Variants in FRMD4A observed in about 807,000 individuals in gnomAD.
FRMD4A encodes FERM domain containing 4A.
Under a neutral mutation model 129.1 loss-of-function variants are expected in FRMD4A, and 29 were observed. The ratio of observed to expected loss-of-function variants is 0.22; its 90% CI spans 0.17 to 0.31. The LOEUF is 0.31. Ranked by LOEUF, FRMD4A falls within the 10% of genes least tolerant of loss-of-function variation. The probability of loss-of-function intolerance (pLI) is 1.00; values close to 1 mark genes in which losing one functional copy is unlikely to be tolerated. For synonymous variants in FRMD4A, 634 were observed against 571.6 expected (o/e 1.11, Z -1.56); for missense variants, 1,272 against 1,375.8 (o/e 0.92, Z 1.19).
chr10:13,993,414 A>C (rs1362743919), intron 2 of FRMD4A, among the ~76,000 whole-genome samples: 1 of 152,238 alleles, frequency 6.6e-6, no homozygotes, highest in African/African-American at 2.4e-5. Flanking sequence ...GAAAGGTTTT[A>C]GTCCAGCTGT....
At chr10:13,861,617 G>A (rs1489238241) in intron 2 of FRMD4A, among the ~76,000 whole-genome samples, 4 of 152,256 alleles carry the variant, frequency 2.6e-5, no homozygotes, top group East Asian at 3.9e-4. Flanking sequence ...TTGCCATTCC[G>A]CACATACAAG....
chr10:13,948,301 C>T (rs1460349985), intron 2 of FRMD4A, among the ~76,000 whole-genome samples: 1 of 152,128 alleles, frequency 6.6e-6, no homozygotes, highest in Non-Finnish European at 1.5e-5. Context: ...ATCCTCCCTC[C>T]TTAGCCTCCC....
rs750343072 is a variant in FRMD4A at position 13,656,789 on chromosome 10, G to A, written c.2800C>T (p.Arg934Cys). The A allele has an allele frequency of 4.4e-6, 7 of 1,593,836 alleles. No homozygotes were observed. In the Admixed American group the frequency reaches 6.9e-5, roughly 16 times the overall value. ...VSDELRQWYQ[R>C]STASHKEHSR... ...TGCTCCTTGTGCGAGGCGGTGGAACGCTGGTACCACTGGCGCAGCTCGTCT... is the reference window on the plus strand; with the variant it reads ...TGCTCCTTGTGCGAGGCGGTGGAACACTGGTACCACTGGCGCAGCTCGTCT... Residue 934 changes from arginine to cysteine, a missense_variant, in exon 22 of 25, where the codon CGT becomes TGT. Transcript: ENST00000357447.
At chr10:13,898,614 C>T (rs2094784967) in intron 2 of FRMD4A, among the ~76,000 whole-genome samples, 1 of 152,216 alleles carries the variant, frequency 6.6e-6, no homozygotes, top group Non-Finnish European at 1.5e-5. Context: ...ATTTGAGTCA[C>T]AGCTTCTCTG....
At chr10:13,983,303 C>G (rs1057091150) in intron 2 of FRMD4A, among the ~76,000 whole-genome samples, 10 of 152,150 alleles carry the variant, frequency 6.6e-5, no homozygotes, top group African/African-American at 1.9e-4. Flanking sequence ...AGTTCATCCT[C>G]CCCTGAGCCG....
At chr10:13,784,439 C>A (rs2092806417) in intron 5 of FRMD4A, among the ~76,000 whole-genome samples, 1 of 152,198 alleles carries the variant, frequency 6.6e-6, no homozygotes, top group Non-Finnish European at 1.5e-5. Context: ...ATAAGGTGAA[C>A]AAACTGATGC....
chr10:13,873,172 G>C (rs954888912), intron 2 of FRMD4A, among the ~76,000 whole-genome samples: 3 of 52,272 alleles, frequency 5.7e-5, no homozygotes, highest in Non-Finnish European at 7.9e-5. Flanking sequence ...GAGAGACACT[G>C]TCTCAAAAAA....
chr10:13,793,949 T>C (rs55842608), intron 5 of FRMD4A, among the ~76,000 whole-genome samples: 139 of 152,132 alleles, frequency 9.1e-4, no homozygotes, highest in Admixed American at 1.9e-3. Context: ...AGCTAAGAAG[T>C]GGGAACTCAG....
chr10:14,120,142 G>A (rs1036171660), intron 2 of FRMD4A, among the ~76,000 whole-genome samples: 2 of 151,954 alleles, frequency 1.3e-5, no homozygotes, highest in East Asian at 3.9e-4. Context: ...CAAATCATCA[G>A]GAATTATATT....
At chr10:13,881,351 A>G (rs187401022) in intron 2 of FRMD4A, among the ~76,000 whole-genome samples, 121 of 151,940 alleles carry the variant, frequency 8.0e-4, no homozygotes, top group African/African-American at 2.8e-3. Flanking sequence ...TGAGCCCAGG[A>G]GTTCAAGGCT....
Position 13,734,178 on chromosome 10 carries a change from A to G in FRMD4A, c.759+3666T>C, listed in dbSNP as rs146896642. ...GGCCTCCCTCTTCCGCCTACAGGTG[A>G]TGAGTAACACACACCTTCTCAACAT... On this transcript the variant is annotated intron_variant, in intron 12 of 24. Transcript: ENST00000357447. Among the ~76,000 whole-genome samples, 638 of 152,144 alleles carry G rather than the reference A, an allele frequency of 4.2e-3. 9 individuals carry two copies. The highest frequency in any genetic ancestry group is 0.015 in the Admixed American group (230 of 15,280).
At chr10:14,220,100 C>T (rs1027162707) in intron 2 of FRMD4A, among the ~76,000 whole-genome samples, 1 of 152,178 alleles carries the variant, frequency 6.6e-6, no homozygotes, top group Non-Finnish European at 1.5e-5. Flanking sequence ...TTGTCCTCTG[C>T]TGTCATCCCA....
chr10:13,917,989 A>G (rs949136359), intron 2 of FRMD4A, among the ~76,000 whole-genome samples: 1 of 152,204 alleles, frequency 6.6e-6, no homozygotes, highest in East Asian at 1.9e-4. Context: ...ACAAAAAGTG[A>G]TCACTATTAC....
rs544030121 is a variant in FRMD4A at position 13,799,954 on chromosome 10, C to T, written c.207-3366G>A. Among the ~76,000 whole-genome samples the T allele has an allele frequency of 1.3e-4, 20 of 151,822 alleles. No individual in the cohort carries two copies. The East Asian group carries it at 2.7e-3, about 21-fold the overall frequency. ...CAGCACTTTGGGAGGCTGAGGCAGG[C>T]GGATCACGAGGTCAGGAGTTCGAGA... is the stretch of plus-strand genomic sequence containing the variant. On this transcript the variant is annotated intron_variant, in intron 4 of 24. Coordinates refer to ENST00000357447, the MANE Select transcript of FRMD4A (RefSeq NM_018027.5).
chr10:13,876,931 G>A (rs914228325), intron 2 of FRMD4A, among the ~76,000 whole-genome samples: 1 of 152,034 alleles, frequency 6.6e-6, no homozygotes, highest in South Asian at 2.1e-4. Context: ...TGCCTATTCT[G>A]TAGAAATATG....
At chr10:13,957,719 T>C (rs531368019) in intron 2 of FRMD4A, among the ~76,000 whole-genome samples, 5 of 152,304 alleles carry the variant, frequency 3.3e-5, no homozygotes, top group Non-Finnish European at 7.3e-5. Flanking sequence ...TGTGAATTCA[T>C]TGGGTTGAAC....
At chr10:14,283,278 G>A (rs1439920921) in intron 2 of FRMD4A, among the ~76,000 whole-genome samples, 1 of 152,216 alleles carries the variant, frequency 6.6e-6, no homozygotes, top group African/African-American at 2.4e-5. Context: ...GGTTAAAATG[G>A]TTTTGAATTG....
intron 2 of FRMD4A, among the ~76,000 whole-genome samples, chr10:14,111,692 A>T (rs1368546238): frequency 6.6e-6 from 1 of 152,124 alleles, no homozygotes; most frequent in East Asian, 1.9e-4. Context: ...GTCATGTACC[A>T]AAAAGAATAA....
intron 3 of FRMD4A, among the ~76,000 whole-genome samples, chr10:13,852,292 G>A (rs1439868947): frequency 1.3e-5 from 2 of 151,452 alleles, no homozygotes; most frequent in Admixed American, 6.6e-5. Context: ...TTGCTGGGCT[G>A]GAGTGCAGTG....
Sources: gnomAD v4.1 joint callset for allele counts (sites outside exome capture counted in the v4.1 genomes callset) on GRCh38, gnomAD v4.1.1 for gene constraint, MANE v1.5 for transcripts, NCBI Gene and HGNC (gene_info 2026-07-23, HGNC 2026-07-21) for gene names.